Variants in IP6K2 observed in about 807,000 individuals in gnomAD.
IP6K2 encodes inositol hexakisphosphate kinase 2, also known as ATP:1D-myo-inositol-hexakisphosphate phosphotransferase.
IP6K2 carries 9 observed loss-of-function variants against 43.3 expected under a neutral mutation model. The ratio of observed to expected loss-of-function variants is 0.21; its 90% CI spans 0.13 to 0.36. The LOEUF is 0.36. IP6K2 is among the 10% of genes least tolerant of loss of function. IP6K2 has a pLI of 1.00. For missense variants in IP6K2, 332 were observed against 538.4 expected, an observed-to-expected ratio of 0.62 and a Z score of 3.79; for synonymous variants, 209 against 202.4, an observed-to-expected ratio of 1.03 and a Z score of -0.28.
Position 48,688,507 on chromosome 3 carries a change from A to C in IP6K2, c.1047T>G (p.Ala349=). 1 of 1,614,254 alleles carries C rather than the reference A, an allele frequency of 6.2e-7. No individual in the cohort carries two copies. The highest frequency in any genetic ancestry group is 8.5e-7 in the Non-Finnish European group (1 of 1,180,044). ...ERPEVVLDSD[A]EDLEDLSEES... is the part of the protein sequence containing the mutation. ...CCTCTGACAGGTCCTCCAAATCCTC[A>C]GCATCTGAGTCCAGGACCACTTCGG... The change falls in exon 6 of 6, where the codon GCT becomes GCG. Residue 349 remains alanine (A), a synonymous_variant. Transcript: ENST00000328631. This position sits in a 1 kb window ranked among gnomAD's most constrained non-coding sequence, Gnocchi z 5.1.
rs1157210557 is a variant in IP6K2 at position 48,693,458 on chromosome 3, A to G, written c.203-279T>C. The G allele has an allele frequency of 2.9e-6, 4 of 1,366,660 alleles. No homozygotes were observed. In the South Asian group the frequency reaches 5.8e-5, roughly 20 times the overall value. The allele number at this position is 1,366,660 out of a possible 1,614,324, so 84.7% of individuals were successfully genotyped here. On this transcript the variant is annotated intron_variant, in intron 2 of 5. Coordinates refer to ENST00000328631, the MANE Select transcript of IP6K2 (RefSeq NM_016291.4). Reference sequence around the variant, plus strand: ...GAATTACAAGACACATTTTTCCATCATTGAAAATGTTTATTAATTTTTATG... The same window carrying G: ...GAATTACAAGACACATTTTTCCATCGTTGAAAATGTTTATTAATTTTTATG...
chr3:48,697,970 A>T (rs2078591002), intron 1 of IP6K2, among the ~76,000 whole-genome samples: 1 of 152,216 alleles, frequency 6.6e-6, no homozygotes, highest in African/African-American at 2.4e-5. Flanking sequence ...AAGTTTTCCC[A>T]TATGCAAAGA....
chr3:48,692,751 AGCTGTTT>A (rs2077909652), intron 3 of IP6K2, among the ~76,000 whole-genome samples, 196 bp downstream of exon 3: 1 of 152,264 alleles, frequency 6.6e-6, no homozygotes, highest in Non-Finnish European at 1.5e-5. Context: ...CTGCCAGTGC[AGCTGTTT>A]GCCCAAACTG....
chr3:48,688,906 G>T lies in IP6K2; in HGVS notation c.781-133C>A. 1.0e-6 allele frequency: 1 copy of T among 955,336 alleles called. No individual in the cohort carries two copies. The highest frequency in any genetic ancestry group is 1.5e-6 in the Non-Finnish European group (1 of 652,282). The allele number at this position is 955,336 out of a possible 1,614,324, so 59.2% of individuals were successfully genotyped here. ...GATAAAGTACACCAGTTGCACATGA[G>T]CCACTGTCCACTATGCTCTCTGATC... is the stretch of plus-strand genomic sequence containing the variant. On this transcript the variant is annotated intron_variant, in intron 5 of 5. Coordinates refer to ENST00000328631, the MANE Select transcript of IP6K2 (RefSeq NM_016291.4). The surrounding 1 kb of genome is among the most constrained non-coding windows in gnomAD (Gnocchi z 5.1).
chr3:48,712,680 C>T (rs2080689203), intron 1 of IP6K2, among the ~76,000 whole-genome samples: 1 of 152,084 alleles, frequency 6.6e-6, no homozygotes, highest in African/African-American at 2.4e-5. Flanking sequence ...CGCTGCACTG[C>T]CTTCCAGCCT....
intron 1 of IP6K2, among the ~76,000 whole-genome samples, chr3:48,707,655 C>G (rs571079327): frequency 1.5e-4 from 23 of 152,266 alleles, no homozygotes; most frequent in Non-Finnish European, 2.2e-4. Flanking sequence ...ACAGGCTGGT[C>G]TCAAACTCCC....
rs769023860 is a variant in IP6K2 at position 48,693,164 on chromosome 3, C to T, written c.218G>A (p.Arg73His). 1.4e-5 allele frequency: 22 copies of T among 1,613,778 alleles called. No individual in the cohort carries two copies. The highest frequency in any genetic ancestry group is 1.1e-5 in the South Asian group (1 of 91,064). ...GTTCCTGTCTTCATCTTCTTCAAAG[C>T]GCACAGATACCACACCTGGAAGGGG... ...TPQYKGVVSV[R>H]FEEDEDRNLC... Residue 73 changes from arginine (R) to histidine (H), a missense_variant, in exon 3 of 6, where the codon CGC (arginine) becomes CAC (histidine). Transcript: ENST00000328631.
intron 3 of IP6K2, among the ~76,000 whole-genome samples, chr3:48,692,639 C>A (rs2077897859): frequency 6.6e-6 from 1 of 152,244 alleles, no homozygotes; most frequent in Admixed American, 6.5e-5. Context: ...CACTGGTGAA[C>A]AACCTGAGGT....
chr3:48,697,710 A>G (rs903318909), intron 1 of IP6K2, among the ~76,000 whole-genome samples: 1 of 143,012 alleles, frequency 7.0e-6, no homozygotes, highest in Non-Finnish European at 1.5e-5. Flanking sequence ...ACAGGGTCTC[A>G]CTCTGTCGCC....
At chr3:48,689,420 G>A in intron 5 of IP6K2, 118 bp downstream of exon 5, 1 of 1,058,132 alleles carries the variant, frequency 9.5e-7, no homozygotes, top group East Asian at 2.6e-5. Flanking sequence ...CCAAAGTGCT[G>A]GGATTACAGG....
rs750586432 is a variant in IP6K2, at chr3:48,688,681, C to T, written c.873G>A (p.Gln291=). 6 of 1,614,138 alleles carry T rather than the reference C, an allele frequency of 3.7e-6. No individual in the cohort carries two copies. Among genetic ancestry groups the T allele is most frequent in the Admixed American group, 1.7e-5 (1 of 60,010 alleles). The change falls in exon 6 of 6, where the codon CAG becomes CAA. Residue 291 remains glutamine (Q), a synonymous_variant. Transcript: ENST00000328631. The surrounding 1 kb of genome is among the most constrained non-coding windows in gnomAD (Gnocchi z 5.1). The part of the protein sequence containing the change: ...SVQGFKEALF[Q]FFHNGRYLRR... ...GCAGGTACCGCCCATTGTGGAAGAA[C>T]TGGAAAAGTGCCTCCTTGAAGCCCT...
intron 1 of IP6K2, among the ~76,000 whole-genome samples, chr3:48,698,720 G>A (rs1171318035): frequency 3.3e-5 from 5 of 152,192 alleles, no homozygotes; most frequent in Non-Finnish European, 4.4e-5. Flanking sequence ...TGATCTGCCC[G>A]CCTTGGCCTC....
In IP6K2 at chr3:48,692,938, C is replaced by T; in HGVS notation, c.428+16G>A. 4 of 1,589,422 alleles carry T rather than the reference C, an allele frequency of 2.5e-6. No homozygotes were observed. The highest frequency in any genetic ancestry group is 1.1e-5 in the South Asian group (1 of 89,560). The stretch of plus-strand genomic sequence containing the variant: ...CCCTCCCACATAGCCCAGAGTTGCC[C>T]TCTGTCTACACTCACCTCTTCATTT... On this transcript the variant is annotated intron_variant, in intron 3 of 5. Transcript: ENST00000328631.
chr3:48,689,799 G>C (rs2077610846), intron 4 of IP6K2, 86 bp from the exon 5 acceptor site: 1 of 1,199,092 alleles, frequency 8.3e-7, no homozygotes, highest in South Asian at 1.3e-5. Context: ...TTGATGCAGT[G>C]ACCCAGAGAA....
intron 1 of IP6K2, chr3:48,699,805 G>T (rs1472866948): frequency 6.6e-6 from 1 of 152,200 alleles, no homozygotes; most frequent in East Asian, 1.9e-4. Context: ...AATGGGAAAA[G>T]AGAGGCTTAG....
Position 48,691,496 on chromosome 3 carries a change from A to C in IP6K2, c.429-14T>G. On this transcript the variant is annotated splice_polypyrimidine_tract_variant and intron_variant, in intron 3 of 5. Transcript: ENST00000328631. ...TCTAACTTATGGCTATAAAGAGATA[A>C]GGACCAATAAATCAGTATGTCTTAT... 1.3e-6 allele frequency: 2 copies of C among 1,589,094 alleles called. No homozygotes were observed. Among genetic ancestry groups the C allele is most frequent in the Non-Finnish European group, 1.7e-6 (2 of 1,161,672 alleles).
At chr3:48,715,584 G>A in intron 1 of IP6K2, 1 of 987,164 alleles carries the variant, frequency 1.0e-6, no homozygotes, top group Non-Finnish European at 1.5e-6. Context: ...AGATCTCCCA[G>A]GTCCCTGCCT....
At chr3:48,700,933 G>C (rs901131350) in intron 1 of IP6K2, among the ~76,000 whole-genome samples, 2 of 152,190 alleles carry the variant, frequency 1.3e-5, no homozygotes, top group African/African-American at 2.4e-5. Context: ...TCATATACAA[G>C]CCAGGGTTAA....
chr3:48,691,635 G>A (rs750691749), intron 3 of IP6K2, among the ~76,000 whole-genome samples, 153 bp from the exon 4 acceptor site: 1 of 152,088 alleles, frequency 6.6e-6, no homozygotes, highest in African/African-American at 2.4e-5. Flanking sequence ...GGCCAACAGG[G>A]TGAAACCCTG....
Sources: gnomAD v4.1 joint callset for allele counts (sites outside exome capture counted in the v4.1 genomes callset) on GRCh38, gnomAD v4.1.1 for gene constraint, Gnocchi (gnomAD v3.1) non-coding constraint, MANE v1.5 for transcripts, NCBI Gene and HGNC (gene_info 2026-07-23, HGNC 2026-07-21) for gene names.